Variants in ANKH observed in about 807,000 individuals in gnomAD.
ANKH encodes the protein ANKH inorganic pyrophosphate transport regulator.
A neutral mutation model predicts 49.0 loss-of-function variants in ANKH; 15 were observed. That is an observed-to-expected ratio of 0.31 (90% CI 0.20 to 0.47). The LOEUF is 0.47. ANKH is among the 20% of genes least tolerant of loss of function. The pLI is 1.00. For missense variants in ANKH, 429 were observed against 652.0 expected (o/e 0.66, Z 3.72); for synonymous variants, 273 against 260.0 (o/e 1.05, Z -0.48).
At chr5:14,798,506 TAACAA>T in intron 1 of ANKH, 2 of 862,546 alleles carry the variant, frequency 2.3e-6, no homozygotes, top group Non-Finnish European at 1.7e-6. Flanking sequence ...TTTTTTTAAT[TAACAA>T]ATTGAAGGTT....
chr5:14,790,392 G>T (rs747150614), intron 1 of ANKH, among the ~76,000 whole-genome samples: 1 of 152,154 alleles, frequency 6.6e-6, no homozygotes, highest in African/African-American at 2.4e-5. Flanking sequence ...GGAAAAACAG[G>T]AAGTCCCAAC....
At chr5:14,722,825 A>C (rs1193703847) in intron 8 of ANKH, among the ~76,000 whole-genome samples, 1 of 151,988 alleles carries the variant, frequency 6.6e-6, no homozygotes, top group South Asian at 2.1e-4. Context: ...GTGGGGAGAA[A>C]GGAAACCCGT....
At chr5:14,863,418 C>T (rs1430538559) in intron 1 of ANKH, among the ~76,000 whole-genome samples, 1 of 152,030 alleles carries the variant, frequency 6.6e-6, no homozygotes, top group African/African-American at 2.4e-5. Flanking sequence ...TTATGATTTG[C>T]CATATGATAC....
At chr5:14,761,794 C>T (rs1307347783) in intron 2 of ANKH, among the ~76,000 whole-genome samples, 3 of 150,196 alleles carry the variant, frequency 2.0e-5, no homozygotes, top group Non-Finnish European at 3.0e-5. Flanking sequence ...GACAGAGTCT[C>T]GCTCTGTCTC....
chr5:14,798,207 C>T (rs576456416), intron 1 of ANKH: 30 of 1,592,614 alleles, frequency 1.9e-5, no homozygotes, highest in Middle Eastern at 3.5e-4. Context: ...CAGGACAAGT[C>T]GATGAAGGCT....
At chr5:14,730,637 G>A (rs988046598) in intron 8 of ANKH, among the ~76,000 whole-genome samples, 3 of 152,202 alleles carry the variant, frequency 2.0e-5, no homozygotes, top group East Asian at 3.9e-4. Context: ...GACGCCCCAC[G>A]CAGAGTCGAC....
chr5:14,728,596 G>T (rs1349593378), intron 8 of ANKH, among the ~76,000 whole-genome samples: 2 of 152,200 alleles, frequency 1.3e-5, no homozygotes, highest in Non-Finnish European at 2.9e-5. Context: ...CAGACAAAGG[G>T]TCAGCATGGT....
intron 1 of ANKH, among the ~76,000 whole-genome samples, chr5:14,840,684 T>C (rs575702542): frequency 6.6e-6 from 1 of 152,332 alleles, no homozygotes; most frequent in South Asian, 2.1e-4. Flanking sequence ...CGAGTATTAT[T>C]ACACATTTTC....
chr5:14,819,916 C>CACAT (rs1741151828), intron 1 of ANKH, among the ~76,000 whole-genome samples: 1 of 151,376 alleles, frequency 6.6e-6, no homozygotes, highest in African/African-American at 2.4e-5. Context: ...CACACACACA[C>CACAT]ACACACACAC....
intron 1 of ANKH, among the ~76,000 whole-genome samples, chr5:14,865,981 T>G (rs1561090668): frequency 6.6e-6 from 1 of 152,194 alleles, no homozygotes; most frequent in African/African-American, 2.4e-5. Context: ...GTCTTTGAAT[T>G]ATCATATTAG....
chr5:14,727,027 G>A (rs1014405511), intron 8 of ANKH, among the ~76,000 whole-genome samples: 8 of 152,206 alleles, frequency 5.3e-5, no homozygotes, highest in Non-Finnish European at 1.0e-4. Flanking sequence ...GGATGATGAT[G>A]ATGACCATCA....
intron 8 of ANKH, among the ~76,000 whole-genome samples, chr5:14,723,848 G>C (rs1737743311): frequency 6.6e-6 from 1 of 152,156 alleles, no homozygotes; most frequent in Non-Finnish European, 1.5e-5. Flanking sequence ...TGATCAAGGG[G>C]TAGACTTCCT....
Position 14,713,573 on chromosome 5 carries a change from G to T in ANKH, c.1236C>A (p.Ile412=). 6.2e-7 allele frequency: 1 copy of T among 1,614,194 alleles called. No homozygotes were observed. The highest frequency in any genetic ancestry group is 8.5e-7 in the Non-Finnish European group (1 of 1,180,044). ...GGTAGGGTAGGACCACGAGGCTGGCGATGAGGACGATGATCCGCAGCACAG... is the reference window on the plus strand; with the variant it reads ...GGTAGGGTAGGACCACGAGGCTGGCTATGAGGACGATGATCCGCAGCACAG... ...PSSVLRIIVL[I]ASLVVLPYLG... The change falls in exon 10 of 12, where the codon ATC becomes ATA. Residue 412 remains isoleucine (I), a synonymous_variant. Coordinates refer to ENST00000284268, the MANE Select transcript of ANKH (RefSeq NM_054027.6). This position sits in a 1 kb window ranked among gnomAD's most constrained non-coding sequence, Gnocchi z 4.4.
intron 7 of ANKH, among the ~76,000 whole-genome samples, chr5:14,743,428 A>G (rs1314448030): frequency 6.6e-6 from 1 of 152,252 alleles, no homozygotes; most frequent in Non-Finnish European, 1.5e-5. Context: ...GTGAAAATAA[A>G]CCAGCAGGTA....
intron 11 of ANKH, among the ~76,000 whole-genome samples, chr5:14,711,970 C>T (rs1191867865): frequency 2.0e-5 from 3 of 152,376 alleles, no homozygotes; most frequent in Non-Finnish European, 2.9e-5. Flanking sequence ...CCCCCATCCA[C>T]GGATCCCACC....
chr5:14,764,078 A>AAATAAATAAATAAATG (rs1739181010), intron 2 of ANKH, among the ~76,000 whole-genome samples: 1 of 41,174 alleles, frequency 2.4e-5, no homozygotes, highest in Admixed American at 3.1e-4. Context: ...ACAGAACGGA[A>AAATAAATAAATAAATG]AATAAATAAA....
Position 14,745,840 on chromosome 5 carries a change from T to C in ANKH, c.915+30A>G. 6.2e-7 allele frequency: 1 copy of C among 1,604,534 alleles called. No homozygotes were observed. The highest frequency in any genetic ancestry group is 8.5e-7 in the Non-Finnish European group (1 of 1,171,358). The stretch of plus-strand genomic sequence containing the variant: ...ATCAAGAAGTCATTTCAAAAGCATG[T>C]TTCAGACACGACACCGCACGGGTTC... On this transcript the variant is annotated intron_variant, in intron 7 of 11. Coordinates refer to ENST00000284268, the MANE Select transcript of ANKH (RefSeq NM_054027.6). The surrounding 1 kb of genome is among the most constrained non-coding windows in gnomAD (Gnocchi z 4.7).
At chr5:14,817,986 C>T (rs1007275164) in intron 1 of ANKH, among the ~76,000 whole-genome samples, 1 of 148,740 alleles carries the variant, frequency 6.7e-6, no homozygotes, top group African/African-American at 2.5e-5. Context: ...ACTGCTTGAA[C>T]CGGGGAGGTG....
At chr5:14,855,568 C>T (rs763222801) in intron 1 of ANKH, among the ~76,000 whole-genome samples, 118 of 152,094 alleles carry the variant, frequency 7.8e-4, no homozygotes, top group Non-Finnish European at 4.1e-4. Flanking sequence ...TGTGTCAAAA[C>T]ACCATGGTGT....
Sources: gnomAD v4.1 joint callset for allele counts (sites outside exome capture counted in the v4.1 genomes callset) on GRCh38, gnomAD v4.1.1 for gene constraint, Gnocchi (gnomAD v3.1) non-coding constraint, MANE v1.5 for transcripts, NCBI Gene and HGNC (gene_info 2026-07-23, HGNC 2026-07-21) for gene names.